ST18: variants seen among roughly 807,000 people sequenced by gnomAD.
The protein encoded by ST18 is suppression of tumorigenicity 18 protein.
ST18 carries 50 observed loss-of-function variants against 110.0 expected under a neutral mutation model. The ratio of observed to expected loss-of-function variants is 0.45; its 90% confidence interval spans 0.36 to 0.58. ST18 has a LOEUF of 0.58. Among genes scored for constraint, ST18 ranks in the 20% least tolerant of loss-of-function variants. ST18 has a pLI of 0.00. For synonymous variants in ST18, 461 were observed against 452.4 expected (o/e 1.02, Z -0.24); for missense variants, 1,306 against 1,280.1 (o/e 1.02, Z -0.31).
intron 2 of ST18, among the ~76,000 whole-genome samples, chr8:52,309,616 T>G (rs2095871790): frequency 6.6e-6 from 1 of 151,862 alleles, no homozygotes; most frequent in Admixed American, 6.6e-5. Context: ...ATACAGTTTC[T>G]TTAAGCAGTG....
At position 52,158,925 on chromosome 8, in the gene ST18, G is replaced by A. The variant is rs2060686166; in HGVS notation, c.1779C>T (p.Ser593=). 1 of 1,613,978 alleles carries A rather than the reference G, an allele frequency of 6.2e-7. No individual in the cohort carries two copies. The highest frequency in any genetic ancestry group is 8.5e-7 in the Non-Finnish European group (1 of 1,179,894). Residue 593 remains serine, a synonymous_variant, in exon 15 of 26, where the codon TCC becomes TCT. Coordinates refer to ENST00000689386, the MANE Select transcript of ST18 (RefSeq NM_001352837.2). ...TRCREATDIL[S]NKPQSLHAKG... Reference sequence around the variant, plus strand: ...TGGCATGCAGACTCTGTGGCTTGTTGGAGAGGATGTCTGTGGCTTCCCTGC... The same window carrying A: ...TGGCATGCAGACTCTGTGGCTTGTTAGAGAGGATGTCTGTGGCTTCCCTGC...
chr8:52,343,804 A>G (rs1219525821), intron 2 of ST18, among the ~76,000 whole-genome samples: 1 of 152,190 alleles, frequency 6.6e-6, no homozygotes, highest in Non-Finnish European at 1.5e-5. Context: ...CACATCCCTA[A>G]AATACTTTTA....
chr8:52,174,674 T>C (rs16917382), intron 9 of ST18, among the ~76,000 whole-genome samples: 6,417 of 152,278 alleles, frequency 0.042, 333 homozygotes, highest in African/African-American at 0.12. Flanking sequence ...TCATTTCCAG[T>C]TTACATAATT....
At chr8:52,238,246 T>C (rs562627084) in intron 2 of ST18, among the ~76,000 whole-genome samples, 2 of 152,290 alleles carry the variant, frequency 1.3e-5, no homozygotes, top group East Asian at 3.9e-4. Context: ...TGCGTCTACT[T>C]GAGAAATTGT....
In ST18 at chr8:52,137,415, G is replaced by A. The variant is rs1586705302; in HGVS notation, c.2231+6C>T. On this transcript the variant is annotated splice_donor_region_variant and intron_variant, in intron 18 of 25. Coordinates refer to ENST00000689386, the MANE Select transcript of ST18 (RefSeq NM_001352837.2). ...AAATCTGACTGCACATGAGGTCATT[G>A]GGTACCTGCGATGAGATGCATAGTT... 1.2e-6 allele frequency: 2 copies of A among 1,614,036 alleles called. No homozygotes were observed. The highest frequency in any genetic ancestry group is 1.7e-6 in the Non-Finnish European group (2 of 1,179,970).
intron 23 of ST18, among the ~76,000 whole-genome samples, chr8:52,118,748 C>T (rs141434059): frequency 1.8e-4 from 27 of 152,136 alleles, no homozygotes; most frequent in Middle Eastern, 3.4e-3. Context: ...CAGTGGGACA[C>T]GCTCCATTAT....
chr8:52,357,706 TATA>T (rs1437232236), intron 2 of ST18, among the ~76,000 whole-genome samples: 1 of 110,216 alleles, frequency 9.1e-6, no homozygotes, highest in East Asian at 2.8e-4. Context: ...TATATATATA[TATA>T]TATATATATA....
chr8:52,259,744 T>G (rs1045847214), intron 2 of ST18, among the ~76,000 whole-genome samples: 1 of 152,164 alleles, frequency 6.6e-6, no homozygotes, highest in Non-Finnish European at 1.5e-5. Context: ...CCATTAGCCA[T>G]TGAGCTAGAA....
chr8:52,364,811 T>G (rs1827182065), intron 2 of ST18, among the ~76,000 whole-genome samples: 1 of 152,138 alleles, frequency 6.6e-6, no homozygotes. Context: ...AATTTACTCC[T>G]ATAGAAAGTT....
intron 15 of ST18, among the ~76,000 whole-genome samples, chr8:52,153,989 T>G (rs2059420142): frequency 6.6e-6 from 1 of 152,230 alleles, no homozygotes; most frequent in Non-Finnish European, 1.5e-5. Context: ...AGTTTGTTTT[T>G]CCAACTTCTA....
intron 8 of ST18, among the ~76,000 whole-genome samples, chr8:52,203,676 C>T (rs1428283816): frequency 1.3e-5 from 2 of 152,118 alleles, no homozygotes; most frequent in African/African-American, 2.4e-5. Context: ...AAGTATTCTG[C>T]CTGATGATTA....
At chr8:52,180,067 C>A in intron 9 of ST18, 55 bp downstream of exon 9, 1 of 1,567,486 alleles carries the variant, frequency 6.4e-7, no homozygotes, top group Non-Finnish European at 8.7e-7. Context: ...CATGAATTAG[C>A]ACAGAGTCCT....
intron 2 of ST18, among the ~76,000 whole-genome samples, chr8:52,365,846 A>G (rs1256882070): frequency 2.6e-5 from 4 of 151,008 alleles, no homozygotes; most frequent in African/African-American, 9.7e-5. Flanking sequence ...CTACAGGTGC[A>G]TGCTACCATG....
At chr8:52,298,477 A>G (rs1288650981) in intron 2 of ST18, among the ~76,000 whole-genome samples, 1 of 152,266 alleles carries the variant, frequency 6.6e-6, no homozygotes. Flanking sequence ...GCATAAATAG[A>G]TGTGACTAAA....
rs1237274663 is a variant in ST18, at chr8:52,178,634, AAAAAAAAAAC to A, written c.277+1478_277+1487del. ...TCCATCAAAAAAAAAAAAAAAAAAA[AAAAAAAAAAC>A]CACCAAAAACCAAAATAAAACAAAC... is the stretch of plus-strand genomic sequence containing the variant. On this transcript the variant is annotated intron_variant, in intron 9 of 25. Transcript: ENST00000689386. 4.6e-5 allele frequency among the ~76,000 whole-genome samples: 6 copies of A among 131,584 alleles called. 1 individual carries two copies. Among genetic ancestry groups the A allele is most frequent in the Admixed American group, 4.3e-4 (6 of 13,930 alleles). 86.3% of individuals were successfully genotyped at this position (131,584 alleles called of 152,430 possible). A position where few individuals can be genotyped will look rare whatever the true frequency, so the allele number is the denominator to read the frequency against.
chr8:52,341,095 C>T (rs1379441801), intron 2 of ST18, among the ~76,000 whole-genome samples: 5 of 152,164 alleles, frequency 3.3e-5, no homozygotes, highest in East Asian at 1.9e-4. Flanking sequence ...AATCAAACTG[C>T]ACCCTGTAGT....
At position 52,357,571 on chromosome 8, in the gene ST18, T is replaced by TA. The variant is rs562192501; in HGVS notation, c.-465+51756dup. Among the ~76,000 whole-genome samples the TA allele has an allele frequency of 4.3e-4, 64 of 148,422 alleles. 1 individual carries two copies. The South Asian group carries it at 7.3e-3, about 17-fold the overall frequency. On this transcript the variant is annotated intron_variant, in intron 2 of 25. Coordinates refer to ENST00000689386, the MANE Select transcript of ST18 (RefSeq NM_001352837.2). ...AAATAAAATATAAGACAAAAATTGT[T>TA]AAAAAAGACACAAAAGACATTGTTT...
chr8:52,278,314 G>A (rs1456734080), intron 2 of ST18, among the ~76,000 whole-genome samples: 1 of 152,166 alleles, frequency 6.6e-6, no homozygotes, highest in Non-Finnish European at 1.5e-5. Context: ...AGTCAATGGT[G>A]TAAAAATAAA....
chr8:52,334,093 C>G (rs955259168), intron 2 of ST18, among the ~76,000 whole-genome samples: 1 of 152,178 alleles, frequency 6.6e-6, no homozygotes, highest in Admixed American at 6.5e-5. Context: ...ACATGCTGTA[C>G]ATTTAAACCT....
Sources: allele counts gnomAD v4.1 joint callset (sites outside exome capture counted in the v4.1 genomes callset), GRCh38; gene constraint gnomAD v4.1.1; transcripts MANE v1.5; gene names NCBI Gene and HGNC (gene_info 2026-07-23, HGNC 2026-07-21).